NLGN1: variants seen among roughly 807,000 people sequenced by gnomAD.
NLGN1 encodes neuroligin-1.
Under a neutral mutation model 65.5 loss-of-function variants are expected in NLGN1, and 12 were observed. The ratio of observed to expected loss-of-function variants is 0.18; its 90% CI spans 0.12 to 0.30. The LOEUF (loss-of-function observed/expected upper bound fraction) is 0.30, where lower values mean the gene tolerates loss of function less well. NLGN1 is among the 10% of genes least tolerant of loss of function. NLGN1 has a pLI of 1.00. For missense variants in NLGN1, 750 were observed against 1,007.1 expected (o/e 0.74, Z 3.46); for synonymous variants, 350 against 359.5 (o/e 0.97, Z 0.30).
At chr3:173,525,876 G>A (rs1344290852) in intron 2 of NLGN1, among the ~76,000 whole-genome samples, 1 of 152,032 alleles carries the variant, frequency 6.6e-6, no homozygotes, top group Non-Finnish European at 1.5e-5. Flanking sequence ...TTCAGGAGCA[G>A]GTTACTTAGT....
chr3:173,761,542 C>T (rs1323906428), intron 3 of NLGN1, among the ~76,000 whole-genome samples: 2 of 151,992 alleles, frequency 1.3e-5, no homozygotes, highest in Non-Finnish European at 2.9e-5. Context: ...TAGAGCATCA[C>T]TACCTTTTAA....
At chr3:173,958,554 C>G (rs1712718212) in intron 4 of NLGN1, among the ~76,000 whole-genome samples, 1 of 152,088 alleles carries the variant, frequency 6.6e-6, no homozygotes, top group African/African-American at 2.4e-5. Context: ...ATCTGACAGT[C>G]TGGGGTTTTT....
chr3:174,217,163 A>G (rs1429860736), intron 4 of NLGN1, among the ~76,000 whole-genome samples: 3 of 152,070 alleles, frequency 2.0e-5, no homozygotes, highest in African/African-American at 7.2e-5. Flanking sequence ...GTGACAGCAT[A>G]ACTCCAGTCT....
chr3:174,011,369 G>T (rs1195852875), intron 4 of NLGN1, among the ~76,000 whole-genome samples: 1 of 152,116 alleles, frequency 6.6e-6, no homozygotes, highest in African/African-American at 2.4e-5. Context: ...TGAAGGGAAG[G>T]TGGTTCTAAT....
intron 4 of NLGN1, among the ~76,000 whole-genome samples, chr3:174,089,128 C>G (rs1441002429): frequency 6.6e-6 from 1 of 152,130 alleles, no homozygotes; most frequent in Non-Finnish European, 1.5e-5. Context: ...GTCAATAGAT[C>G]CCAACTCAGT....
At chr3:174,144,398 T>C (rs993727199) in intron 4 of NLGN1, among the ~76,000 whole-genome samples, 8 of 152,190 alleles carry the variant, frequency 5.3e-5, no homozygotes, top group Admixed American at 1.3e-4. Context: ...GTCTTTATAG[T>C]AGAATGATTT....
intron 4 of NLGN1, among the ~76,000 whole-genome samples, chr3:174,005,331 T>C (rs932786487): frequency 4.6e-5 from 7 of 152,180 alleles, no homozygotes; most frequent in Non-Finnish European, 1.0e-4. Context: ...GTGTTACTAA[T>C]TGGAAAATCC....
intron 4 of NLGN1, among the ~76,000 whole-genome samples, chr3:173,815,560 G>A (rs916266058): frequency 3.9e-5 from 6 of 151,912 alleles, no homozygotes; most frequent in East Asian, 1.9e-4. Context: ...TGCTTGTTTC[G>A]TGGTATCACC....
At chr3:174,232,111 T>G (rs112559229) in intron 4 of NLGN1, among the ~76,000 whole-genome samples, 3 of 152,256 alleles carry the variant, frequency 2.0e-5, no homozygotes, top group Non-Finnish European at 2.9e-5. Flanking sequence ...GCAGGCGGGC[T>G]GAGTCCGAAA....
At chr3:173,997,308 A>T (rs1395542674) in intron 4 of NLGN1, among the ~76,000 whole-genome samples, 1 of 152,092 alleles carries the variant, frequency 6.6e-6, no homozygotes, top group African/African-American at 2.4e-5. Flanking sequence ...GCCAGACTAG[A>T]GATAATTTAT....
intron 4 of NLGN1, among the ~76,000 whole-genome samples, chr3:174,122,138 A>C (rs1037582707): frequency 6.6e-6 from 1 of 152,176 alleles, no homozygotes; most frequent in Admixed American, 6.6e-5. Flanking sequence ...ATAAAAATAG[A>C]TAATAGGAAA....
chr3:173,495,917 T>C (rs550730021), intron 2 of NLGN1, among the ~76,000 whole-genome samples: 8 of 151,860 alleles, frequency 5.3e-5, no homozygotes, highest in Non-Finnish European at 8.8e-5. Context: ...GTTTGTATAC[T>C]TTTGTAACTG....
chr3:173,896,604 G>A (rs1736397276), intron 4 of NLGN1, among the ~76,000 whole-genome samples: 1 of 152,174 alleles, frequency 6.6e-6, no homozygotes, highest in Non-Finnish European at 1.5e-5. Flanking sequence ...AGCATCTGGA[G>A]CAAAGTTGGT....
chr3:174,128,128 A>T (rs184602073), intron 4 of NLGN1, among the ~76,000 whole-genome samples: 46 of 152,254 alleles, frequency 3.0e-4, no homozygotes, highest in Admixed American at 1.4e-3. Context: ...TTTCCAATAC[A>T]TAAGAGGAAT....
At chr3:173,781,206 C>T (rs1781104813) in intron 3 of NLGN1, among the ~76,000 whole-genome samples, 1 of 146,936 alleles carries the variant, frequency 6.8e-6, no homozygotes, top group Non-Finnish European at 1.5e-5. Flanking sequence ...CAACCCATTT[C>T]TCCATGTCAC....
At chr3:174,120,721 C>G (rs1717599714) in intron 4 of NLGN1, among the ~76,000 whole-genome samples, 1 of 152,140 alleles carries the variant, frequency 6.6e-6, no homozygotes, top group Admixed American at 6.6e-5. Context: ...AAAAATATCT[C>G]TTTCTCTCTC....
chr3:173,481,384 G>A (rs1252227228), intron 2 of NLGN1, among the ~76,000 whole-genome samples: 1 of 151,854 alleles, frequency 6.6e-6, no homozygotes, highest in South Asian at 2.1e-4. Context: ...AACTAATAAC[G>A]ATTATTCATT....
chr3:173,723,681 A>T (rs1275498168), intron 3 of NLGN1, among the ~76,000 whole-genome samples: 1 of 152,224 alleles, frequency 6.6e-6, no homozygotes, highest in Non-Finnish European at 1.5e-5. Context: ...TGTGTATTAT[A>T]GTCATCTAAA....
chr3:173,654,742 A>G (rs1759722978), intron 3 of NLGN1, among the ~76,000 whole-genome samples: 1 of 152,194 alleles, frequency 6.6e-6, no homozygotes, highest in South Asian at 2.1e-4. Flanking sequence ...CTAAAATAAA[A>G]TCAGCATCTA....
Sources: allele counts gnomAD v4.1 joint callset (sites outside exome capture counted in the v4.1 genomes callset), GRCh38; gene constraint gnomAD v4.1.1; transcripts MANE v1.5; gene names NCBI Gene and HGNC (gene_info 2026-07-23, HGNC 2026-07-21).